The following TMEM132C variants were observed in gnomAD, a reference collection of about 807,000 sequenced individuals.
The protein encoded by TMEM132C is transmembrane protein 132C.
In TMEM132C, 29 loss-of-function variants were observed where a neutral mutation model predicts 61.4. The observed-to-expected ratio is 0.47, with a 90% CI of 0.35 to 0.64. The LOEUF (loss-of-function observed/expected upper bound fraction) is 0.64. TMEM132C is among the 30% of genes least tolerant of loss of function. The pLI is 0.00. For synonymous variants in TMEM132C, 656 were observed against 633.1 expected, an observed-to-expected ratio of 1.04 and a Z score of -0.54; for missense variants, 1,408 against 1,476.9, an observed-to-expected ratio of 0.95 and a Z score of 0.76.
intron 3 of TMEM132C, among the ~76,000 whole-genome samples, chr12:128,603,115 C>G (rs1876260162): frequency 6.6e-6 from 1 of 152,160 alleles, no homozygotes; most frequent in African/African-American, 2.4e-5. Flanking sequence ...ATCTAGGGGT[C>G]TTCATGACAC....
intron 1 of TMEM132C, among the ~76,000 whole-genome samples, chr12:128,267,930 G>A (rs982518629): frequency 2.6e-5 from 4 of 152,228 alleles, no homozygotes; most frequent in African/African-American, 9.6e-5. Context: ...CCCATCCACA[G>A]CTTCGGCACT....
chr12:128,661,591 A>C (rs992393462), intron 4 of TMEM132C, among the ~76,000 whole-genome samples: 2 of 152,106 alleles, frequency 1.3e-5, no homozygotes, highest in African/African-American at 4.8e-5. Flanking sequence ...ATACATATGC[A>C]CATGGAGGGA....
At chr12:128,338,104 T>G (rs2135951062) in intron 1 of TMEM132C, among the ~76,000 whole-genome samples, 1 of 151,918 alleles carries the variant, frequency 6.6e-6, no homozygotes, top group East Asian at 1.9e-4. Flanking sequence ...TTTTTTAACC[T>G]TGATTTTTAC....
intron 2 of TMEM132C, among the ~76,000 whole-genome samples, chr12:128,460,121 T>C (rs369127012): frequency 6.6e-6 from 1 of 152,028 alleles, no homozygotes; most frequent in Non-Finnish European, 1.5e-5. Context: ...CGTTGGGAGA[T>C]AGAATAACTA....
At chr12:128,691,861 T>C (rs1954722208) in intron 5 of TMEM132C, among the ~76,000 whole-genome samples, 1 of 151,468 alleles carries the variant, frequency 6.6e-6, no homozygotes, top group East Asian at 1.9e-4. Flanking sequence ...CACCACCCAT[T>C]CACCTGTCCA....
chr12:128,414,601 A>G, intron 1 of TMEM132C, 131 bp from the exon 2 acceptor site: 1 of 1,002,552 alleles, frequency 1.0e-6, no homozygotes, highest in South Asian at 2.0e-5. Context: ...AAGAATATAA[A>G]AATTCTAGCC....
chr12:128,429,452 C>CTGTGGATCACGAA (rs1418538143), intron 2 of TMEM132C, among the ~76,000 whole-genome samples: 1 of 152,186 alleles, frequency 6.6e-6, no homozygotes, highest in Non-Finnish European at 1.5e-5. Flanking sequence ...CCGTGCTTCT[C>CTGTGGATCACGAA]TGTGGATCAC....
intron 1 of TMEM132C, among the ~76,000 whole-genome samples, chr12:128,273,254 A>T (rs1164181090): frequency 6.6e-6 from 1 of 151,874 alleles, no homozygotes; most frequent in Non-Finnish European, 1.5e-5. Context: ...CATACTTAGG[A>T]TTTTTTTGTT....
chr12:128,358,211 G>A (rs1342696660), intron 1 of TMEM132C, among the ~76,000 whole-genome samples: 1 of 152,050 alleles, frequency 6.6e-6, no homozygotes, highest in African/African-American at 2.4e-5. Flanking sequence ...CTCAGGCTGT[G>A]GCTACTCAGA....
Position 128,488,006 on chromosome 12 carries a change from G to A in TMEM132C, c.975-55951G>A, listed in dbSNP as rs116046302. The stretch of plus-strand genomic sequence containing the variant: ...GTGGCCACTGACCACACACACAGTG[G>A]TGTCCTGATCAGTATTTAGCCACTG... On this transcript the variant is annotated intron_variant, in intron 2 of 8. Coordinates refer to ENST00000435159, the MANE Select transcript of TMEM132C (RefSeq NM_001136103.3). Among the ~76,000 whole-genome samples the A allele has an allele frequency of 7.5e-3, 1,137 of 152,318 alleles. 14 individuals carry two copies. The highest frequency in any genetic ancestry group is 0.026 in the African/African-American group (1,082 of 41,572).
chr12:128,528,282 A>G (rs1873162549), intron 2 of TMEM132C, among the ~76,000 whole-genome samples: 2 of 151,298 alleles, frequency 1.3e-5, no homozygotes, highest in Admixed American at 6.6e-5. Flanking sequence ...TTGCTTTGAA[A>G]CTCTCCTGGA....
chr12:128,580,129 GT>G (rs1875276262), intron 3 of TMEM132C, among the ~76,000 whole-genome samples: 1 of 152,174 alleles, frequency 6.6e-6, no homozygotes, highest in South Asian at 2.1e-4. Context: ...CATCTGTAAA[GT>G]GGGAATAATA....
chr12:128,653,121 G>GCTAC (rs928642284), intron 4 of TMEM132C, among the ~76,000 whole-genome samples: 1 of 152,310 alleles, frequency 6.6e-6, no homozygotes, highest in African/African-American at 2.4e-5. Flanking sequence ...ACCAATCCAT[G>GCTAC]CTACCACGTG....
chr12:128,477,378 G>A (rs1871183960), intron 2 of TMEM132C, among the ~76,000 whole-genome samples: 1 of 152,194 alleles, frequency 6.6e-6, no homozygotes, highest in Non-Finnish European at 1.5e-5. Flanking sequence ...CCAAAGCTTG[G>A]AAGCAGAAGG....
intron 1 of TMEM132C, among the ~76,000 whole-genome samples, chr12:128,353,776 G>A (rs1402320185): frequency 6.6e-6 from 1 of 152,104 alleles, no homozygotes; most frequent in African/African-American, 2.4e-5. Flanking sequence ...TGGTAGTAGT[G>A]GCCGCAACCT....
intron 1 of TMEM132C, among the ~76,000 whole-genome samples, chr12:128,324,901 G>A (rs192593574): frequency 6.6e-6 from 1 of 152,222 alleles, no homozygotes; most frequent in Admixed American, 6.5e-5. Flanking sequence ...AGACATTAGT[G>A]ATTATGTTCT....
In TMEM132C at chr12:128,570,024, C is replaced by T. The variant is rs559026039; in HGVS notation, c.1121+25921C>T. ...GCTCTTTTATTATCATTGCCGTTAA[C>T]GTGAGAAGTGAAAGGAGAGATGGAG... On this transcript the variant is annotated intron_variant, in intron 3 of 8. Transcript: ENST00000435159. This position sits in a 1 kb window ranked among gnomAD's most constrained non-coding sequence, Gnocchi z 4.7. Among the ~76,000 whole-genome samples, 6 of 152,120 alleles carry T rather than the reference C, an allele frequency of 3.9e-5. No homozygotes were observed. The highest frequency in any genetic ancestry group is 1.9e-4 in the East Asian group (1 of 5,180).
At chr12:128,272,849 TATTG>T (rs748679452) in intron 1 of TMEM132C, among the ~76,000 whole-genome samples, 4 of 152,218 alleles carry the variant, frequency 2.6e-5, no homozygotes, top group Non-Finnish European at 4.4e-5. Context: ...ACCCATTTTT[TATTG>T]ATTATTTTCC....
At chr12:128,342,863 A>G (rs1211475044) in intron 1 of TMEM132C, among the ~76,000 whole-genome samples, 1 of 152,194 alleles carries the variant, frequency 6.6e-6, no homozygotes, top group African/African-American at 2.4e-5. Flanking sequence ...AGGAGCCGGG[A>G]GGACCTGCCC....
Sources: gnomAD v4.1 joint callset for allele counts (sites outside exome capture counted in the v4.1 genomes callset) on GRCh38, gnomAD v4.1.1 for gene constraint, Gnocchi (gnomAD v3.1) non-coding constraint, MANE v1.5 for transcripts, NCBI Gene and HGNC (gene_info 2026-07-23, HGNC 2026-07-21) for gene names.